Variants in VRK2 observed in about 807,000 individuals in gnomAD.
VRK2 encodes VRK serine/threonine kinase 2, also known as serine/threonine-protein kinase VRK2.
In VRK2, 60 loss-of-function variants were observed where a neutral mutation model predicts 57.6. That is an observed-to-expected ratio of 1.04 (90% CI 0.85 to 1.29). VRK2 has a LOEUF of 1.29. Among genes scored for constraint, VRK2 ranks in the 50% most tolerant of loss-of-function variants. The probability of loss-of-function intolerance (pLI) is 0.00; values close to 1 mark genes in which losing one functional copy is unlikely to be tolerated. For missense variants in VRK2, 705 were observed against 588.1 expected (o/e 1.20, Z -2.06); for synonymous variants, 231 against 199.2 (o/e 1.16, Z -1.35).
chr2:58,020,692 G>A (rs1447975865), intron 1 of VRK2, among the ~76,000 whole-genome samples: 1 of 152,182 alleles, frequency 6.6e-6, no homozygotes, highest in Non-Finnish European at 1.5e-5. Flanking sequence ...AAACAGAGCT[G>A]GCATGAGACA....
intron 1 of VRK2, among the ~76,000 whole-genome samples, chr2:57,925,557 T>A (rs1413632475): frequency 6.6e-6 from 1 of 151,990 alleles, no homozygotes; most frequent in East Asian, 1.9e-4. Flanking sequence ...TTCTTTTTCA[T>A]TTCTGCTTTT....
At chr2:58,144,767 T>G (rs1038186906) in intron 11 of VRK2, among the ~76,000 whole-genome samples, 1 of 152,096 alleles carries the variant, frequency 6.6e-6, no homozygotes, top group African/African-American at 2.4e-5. Flanking sequence ...AAATAAAGAA[T>G]TCCTGCATGA....
chr2:58,045,538 A>G (rs1237794802), upstream of VRK2, among the ~76,000 whole-genome samples: 1 of 152,238 alleles, frequency 6.6e-6, no homozygotes, highest in Non-Finnish European at 1.5e-5. Context: ...GAAAATAAGA[A>G]AGGACACTGT....
chr2:58,000,088 TC>T, intron 1 of VRK2, among the ~76,000 whole-genome samples: 1 of 152,268 alleles, frequency 6.6e-6, no homozygotes, highest in Middle Eastern at 3.4e-3. Flanking sequence ...CACTAGCTTT[TC>T]CCCCATGCAT....
chr2:58,151,384 T>C (rs1343748929), intron 12 of VRK2, among the ~76,000 whole-genome samples: 1 of 151,842 alleles, frequency 6.6e-6, no homozygotes, highest in Non-Finnish European at 1.5e-5. Context: ...ATCTGACTTT[T>C]AACAATTCCA....
At chr2:58,096,223 T>C (rs1673106523) in intron 7 of VRK2, among the ~76,000 whole-genome samples, 1 of 152,112 alleles carries the variant, frequency 6.6e-6, no homozygotes, top group African/African-American at 2.4e-5. Context: ...GTAAGTGATA[T>C]TGATCCATAG....
intron 1 of VRK2, among the ~76,000 whole-genome samples, chr2:57,936,578 G>C (rs1255267877): frequency 6.8e-6 from 1 of 147,390 alleles, no homozygotes; most frequent in Non-Finnish European, 1.5e-5. Context: ...CTGTTGTCCA[G>C]GCTGGAGTGC....
chr2:58,073,031 C>T (rs1419891231), intron 2 of VRK2, among the ~76,000 whole-genome samples: 1 of 151,890 alleles, frequency 6.6e-6, no homozygotes, highest in African/African-American at 2.4e-5. Flanking sequence ...TTTTCATTTT[C>T]GTTTAGTTTG....
chr2:58,159,530 C>A lies in VRK2; in HGVS notation c.1364C>A (p.Ser455Tyr). 6.2e-7 allele frequency: 1 copy of A among 1,613,808 alleles called. No individual in the cohort carries two copies. Among genetic ancestry groups the A allele is most frequent in the Non-Finnish European group, 8.5e-7 (1 of 1,179,806 alleles). ...SRSPSWYKYT[S>Y]TVSTGITDLE... is the part of the protein sequence containing the mutation. ...TCTCCATCTTGGTATAAATACACTT[C>A]CACAGTCAGCACGGGGATCACAGAC... The change falls in exon 13 of 13, where the codon TCC becomes TAC. Residue 455 changes from serine (S) to tyrosine (Y), a missense_variant. By Grantham distance (144) the Ser-to-Tyr change is moderately radical. Coordinates refer to ENST00000340157, the MANE Select transcript of VRK2 (RefSeq NM_006296.7).
intron 7 of VRK2, among the ~76,000 whole-genome samples, chr2:58,119,614 G>A (rs1677116885): frequency 1.3e-5 from 2 of 151,176 alleles, no homozygotes; most frequent in South Asian, 4.2e-4. Flanking sequence ...TTCTTCTTAT[G>A]TATAGTTTCT....
chr2:58,047,306 G>A (rs1052361489), intron 1 of VRK2: 1 of 547,768 alleles, frequency 1.8e-6, no homozygotes, highest in African/African-American at 2.1e-5. Flanking sequence ...GGTCAGCCCA[G>A]GCACATGTTA....
At chr2:57,999,951 C>T (rs1377965962) in intron 1 of VRK2, among the ~76,000 whole-genome samples, 1 of 152,038 alleles carries the variant, frequency 6.6e-6, no homozygotes, top group Admixed American at 6.6e-5. Context: ...TGAGACCAGC[C>T]TGAGCCATAT....
chr2:58,103,871 C>T (rs1212860070), intron 7 of VRK2, among the ~76,000 whole-genome samples: 2 of 151,752 alleles, frequency 1.3e-5, no homozygotes, highest in African/African-American at 4.8e-5. Flanking sequence ...CCAAATCCCA[C>T]AGTGCATTAA....
At chr2:57,924,190 A>C (rs1670458139) in intron 1 of VRK2, among the ~76,000 whole-genome samples, 1 of 151,872 alleles carries the variant, frequency 6.6e-6, no homozygotes, top group Non-Finnish European at 1.5e-5. Flanking sequence ...TGCTTAGGAT[A>C]GCTTTGGCTA....
At chr2:58,133,074 A>C (rs1402913616) in intron 9 of VRK2, among the ~76,000 whole-genome samples, 2 of 152,154 alleles carry the variant, frequency 1.3e-5, no homozygotes, top group Non-Finnish European at 2.9e-5. Context: ...GTAATAAAGT[A>C]ATGATGCTAT....
intron 2 of VRK2, among the ~76,000 whole-genome samples, chr2:58,078,007 G>T (rs1000835359): frequency 2.0e-5 from 3 of 152,020 alleles, no homozygotes; most frequent in Non-Finnish European, 4.4e-5. Flanking sequence ...TTGGTAGCCC[G>T]TAAGGCTGCA....
chr2:58,134,461 A>G (rs1331629955), intron 9 of VRK2, among the ~76,000 whole-genome samples: 1 of 150,380 alleles, frequency 6.6e-6, no homozygotes, highest in Non-Finnish European at 1.5e-5. Flanking sequence ...AATACAAAAA[A>G]TTAGCCGGGC....
At chr2:58,022,881 G>GA (rs1329484904) in intron 1 of VRK2, among the ~76,000 whole-genome samples, 1 of 151,590 alleles carries the variant, frequency 6.6e-6, no homozygotes, top group Non-Finnish European at 1.5e-5. Flanking sequence ...ACTCAAAAAA[G>GA]AAAAAAATAT....
rs557138390 is a variant in VRK2 at position 57,987,254 on chromosome 2, T to G, written c.-438-38411T>G. 5.3e-5 allele frequency among the ~76,000 whole-genome samples: 8 copies of G among 152,218 alleles called. No individual in the cohort carries two copies. In the East Asian group the frequency reaches 1.5e-3, roughly 29 times the overall value. ...AACCAAGAAAAAAATCTATGCAAAT[T>G]ATGTATCTGATAAAGGACTTGTATC... is the stretch of plus-strand genomic sequence containing the variant. On this transcript the variant is annotated intron_variant, in intron 1 of 15. Transcript: ENST00000417641.
Sources: allele counts gnomAD v4.1 joint callset (sites outside exome capture counted in the v4.1 genomes callset), GRCh38; gene constraint gnomAD v4.1.1; transcripts MANE v1.5; gene names NCBI Gene and HGNC (gene_info 2026-07-23, HGNC 2026-07-21).